NR3C1: variants seen among roughly 807,000 people sequenced by gnomAD.
NR3C1 encodes nuclear receptor subfamily 3 group C member 1.
In NR3C1, 14 loss-of-function variants were observed where a neutral mutation model predicts 74.0. That is an observed-to-expected ratio of 0.19 (90% confidence interval 0.12 to 0.30). The LOEUF (loss-of-function observed/expected upper bound fraction) is 0.30. Ranked by LOEUF, NR3C1 falls within the 10% of genes least tolerant of loss-of-function variation. The pLI, the probability that NR3C1 is intolerant of heterozygous loss-of-function variation, is 1.00. For synonymous variants in NR3C1, 308 were observed against 332.5 expected, an observed-to-expected ratio of 0.93 and a Z score of 0.80; for missense variants, 695 against 909.8, an observed-to-expected ratio of 0.76 and a Z score of 3.04.
chr5:143,411,090 T>G (rs1184270256), intron 1 of NR3C1, among the ~76,000 whole-genome samples: 1 of 152,254 alleles, frequency 6.6e-6, no homozygotes, highest in Non-Finnish European at 1.5e-5. Flanking sequence ...AAGTTATTTC[T>G]GTCTGTTCTG....
chr5:143,391,885 G>A (rs80211851), intron 2 of NR3C1, among the ~76,000 whole-genome samples: 1 of 152,294 alleles, frequency 6.6e-6, no homozygotes, highest in East Asian at 1.9e-4. Flanking sequence ...TGAGAGTCAT[G>A]CTGGTTTAAG....
intron 1 of NR3C1, among the ~76,000 whole-genome samples, chr5:143,411,589 G>T (rs1431961126): frequency 6.6e-6 from 1 of 152,110 alleles, no homozygotes; most frequent in Non-Finnish European, 1.5e-5. Context: ...TTAGCTGTAG[G>T]TTGGCTATGG....
At chr5:143,320,418 G>T (rs1164907046) in intron 2 of NR3C1, among the ~76,000 whole-genome samples, 1 of 152,120 alleles carries the variant, frequency 6.6e-6, no homozygotes, top group African/African-American at 2.4e-5. Context: ...TGGGGAGAGG[G>T]TTACAGCAAC....
At chr5:143,310,289 T>A (rs1260817783) in intron 3 of NR3C1, 76 bp from the exon 4 acceptor site, 1 of 1,070,492 alleles carries the variant, frequency 9.3e-7, no homozygotes, top group African/African-American at 1.5e-5. Context: ...TCTGTCTTTG[T>A]TTCCGGTGGA....
At chr5:143,385,624 G>A (rs961460403) in intron 2 of NR3C1, among the ~76,000 whole-genome samples, 5 of 152,176 alleles carry the variant, frequency 3.3e-5, no homozygotes, top group African/African-American at 4.8e-5. Flanking sequence ...TAGGGCAGGG[G>A]CAAAATGCTG....
chr5:143,351,575 T>C (rs1296843958), intron 2 of NR3C1, among the ~76,000 whole-genome samples: 1 of 152,092 alleles, frequency 6.6e-6, no homozygotes, highest in Non-Finnish European at 1.5e-5. Flanking sequence ...ACACAGACAA[T>C]TGTCCCTTTT....
At chr5:143,321,371 T>A (rs370303685) in intron 2 of NR3C1, among the ~76,000 whole-genome samples, 1 of 152,152 alleles carries the variant, frequency 6.6e-6, no homozygotes, top group African/African-American at 2.4e-5. Flanking sequence ...ATCTTCCACA[T>A]CCTATTTATT....
At position 143,400,327 on chromosome 5, in the gene NR3C1, C is replaced by T. The variant is rs775208683; in HGVS notation, c.513G>A (p.Lys171=). The change falls in exon 2 of 9, where the codon AAG becomes AAA. Residue 171 remains lysine, a synonymous_variant. Coordinates refer to ENST00000394464, the MANE Select transcript of NR3C1 (RefSeq NM_000176.3). ...SDVSSEQQHL[K]GQTGTNGGNV... ...TGCCACCGTTGGTGCCAGTCTGGCCCTTCAAATGTTGCTGTTCTGAAGATA... is the reference window on the plus strand; with the variant it reads ...TGCCACCGTTGGTGCCAGTCTGGCCTTTCAAATGTTGCTGTTCTGAAGATA... 1 of 1,613,228 alleles carries T rather than the reference C, an allele frequency of 6.2e-7. No individual in the cohort carries two copies. The highest frequency in any genetic ancestry group is 1.1e-5 in the South Asian group (1 of 91,054).
chr5:143,381,035 A>T (rs1486747321), intron 2 of NR3C1, among the ~76,000 whole-genome samples: 1 of 152,182 alleles, frequency 6.6e-6, no homozygotes, highest in Non-Finnish European at 1.5e-5. Flanking sequence ...GTATGATCTT[A>T]TTGGAAAAGC....
chr5:143,395,366 G>A (rs149167033), intron 2 of NR3C1, among the ~76,000 whole-genome samples: 2 of 151,934 alleles, frequency 1.3e-5, no homozygotes, highest in East Asian at 3.9e-4. Flanking sequence ...AGGTCAATAT[G>A]TAATGGATTT....
intron 2 of NR3C1, among the ~76,000 whole-genome samples, chr5:143,376,733 TG>T (rs1022566789): frequency 1.7e-4 from 26 of 152,290 alleles, no homozygotes; most frequent in African/African-American, 5.8e-4. Context: ...AACTCTTAAA[TG>T]GGGGTAAGAG....
intron 1 of NR3C1, 85 bp from the exon 2 acceptor site, chr5:143,400,937 G>C: frequency 9.7e-7 from 1 of 1,027,666 alleles, no homozygotes; most frequent in Non-Finnish European, 1.5e-6. Flanking sequence ...GTAAGAGGCA[G>C]CTTGTTAAAT....
At chr5:143,348,505 C>A (rs904182958) in intron 2 of NR3C1, among the ~76,000 whole-genome samples, 1 of 152,098 alleles carries the variant, frequency 6.6e-6, no homozygotes, top group Non-Finnish European at 1.5e-5. Flanking sequence ...TGAAGTCAAA[C>A]GAAGTGACAC....
chr5:143,292,221 C>T (rs955382263), intron 7 of NR3C1, among the ~76,000 whole-genome samples: 14 of 152,010 alleles, frequency 9.2e-5, no homozygotes, highest in African/African-American at 2.9e-4. Flanking sequence ...CTAAGAGCTC[C>T]TTAAACAGCT....
upstream of NR3C1, among the ~76,000 whole-genome samples, chr5:143,405,952 A>G (rs1290211649): frequency 6.6e-6 from 1 of 152,112 alleles, no homozygotes; most frequent in Non-Finnish European, 1.5e-5. Flanking sequence ...TTTGGCCCCT[A>G]AACTACCAAC....
intron 7 of NR3C1, 47 bp from the exon 8 acceptor site, chr5:143,282,772 CTTTTCTTTT>C: frequency 6.9e-7 from 1 of 1,453,052 alleles, no homozygotes; most frequent in Non-Finnish European, 9.2e-7. Context: ...TTTTTCTTTT[CTTTTCTTTT>C]TTTTTTTTTT....
At chr5:143,341,106 C>T (rs1000238773) in intron 2 of NR3C1, among the ~76,000 whole-genome samples, 7 of 152,190 alleles carry the variant, frequency 4.6e-5, no homozygotes, top group South Asian at 2.1e-4. Flanking sequence ...GTTGTAGTTT[C>T]GAAATGATCC....
In NR3C1 at chr5:143,279,583, G is replaced by A. The variant is rs576778002; in HGVS notation, c.*2306C>T. On this transcript the variant is annotated 3_prime_UTR_variant, in exon 9 of 9. Coordinates refer to ENST00000394464, the MANE Select transcript of NR3C1 (RefSeq NM_000176.3). ...GAGAGCATTCAAAAAGCAAATGATT[G>A]TTTTTTTATTAAATAATTTCTCCAA... 2.0e-6 allele frequency: 1 copy of A among 495,176 alleles called. No individual in the cohort carries two copies. The allele number at this position is 495,176 out of a possible 1,614,324, so 30.7% of individuals were successfully genotyped here.
At position 143,278,042 on chromosome 5, in the gene NR3C1, A is replaced by G. The variant is rs1812600665; in HGVS notation, c.*3847T>C. 6.6e-6 allele frequency: 1 copy of G among 152,230 alleles called. No homozygotes were observed. The highest frequency in any genetic ancestry group is 1.5e-5 in the Non-Finnish European group (1 of 68,038). The allele number at this position is 152,230 out of a possible 1,614,324, so 9.4% of individuals were successfully genotyped here. A position where few individuals can be genotyped will look rare whatever the true frequency, so the allele number is the denominator to read the frequency against. On this transcript the variant is annotated 3_prime_UTR_variant, in exon 9 of 9. Transcript: ENST00000394464. ...AAATGTGTGGTTTGGTAATACCAGA[A>G]CAGCAAATTTAAATGAAAAAATAAA...
Sources: gnomAD v4.1 joint callset for allele counts (sites outside exome capture counted in the v4.1 genomes callset) on GRCh38, gnomAD v4.1.1 for gene constraint, MANE v1.5 for transcripts, NCBI Gene and HGNC (gene_info 2026-07-23, HGNC 2026-07-21) for gene names.